Variants in ST8SIA1 observed in about 807,000 individuals in gnomAD.
ST8SIA1 encodes the protein ST8 alpha-N-acetyl-neuraminide alpha-2,8-sialyltransferase 1.
In ST8SIA1, 16 loss-of-function variants were observed where a neutral mutation model predicts 35.9. That is an observed-to-expected ratio of 0.45 (90% CI 0.30 to 0.68). ST8SIA1 has a LOEUF of 0.68. ST8SIA1 is among the 30% of genes least tolerant of loss of function. The pLI is 0.09. For missense variants in ST8SIA1, 383 were observed against 453.6 expected, an observed-to-expected ratio of 0.84 and a Z score of 1.41; for synonymous variants, 170 against 169.6, an observed-to-expected ratio of 1.00 and a Z score of -0.02.
At chr12:22,239,327 T>A (rs1401585033) in intron 4 of ST8SIA1, among the ~76,000 whole-genome samples, 1 of 152,200 alleles carries the variant, frequency 6.6e-6, no homozygotes, top group Non-Finnish European at 1.5e-5. Flanking sequence ...CACTTTAACA[T>A]ACTCCTTCTC....
chr12:22,206,304 A>C (rs139047928), intron 4 of ST8SIA1, among the ~76,000 whole-genome samples: 223 of 152,350 alleles, frequency 1.5e-3, no homozygotes, highest in African/African-American at 5.0e-3. Flanking sequence ...CTTGTTGAGC[A>C]TTCCTCTGAA....
intron 4 of ST8SIA1, among the ~76,000 whole-genome samples, chr12:22,205,367 A>G (rs578123633): frequency 7.2e-4 from 109 of 152,308 alleles, no homozygotes; most frequent in African/African-American, 2.4e-3. Flanking sequence ...CAGCCCATGA[A>G]TTATTAAAAT....
rs545018036 is a variant in ST8SIA1, at chr12:22,249,273, C to G, written c.492-175G>C. ...TCGCTCTGTTGCCCAGGCTGGAGTA[C>G]AGTGGTGTGATCTCCGCTCACTGCA... On this transcript the variant is annotated intron_variant, in intron 3 of 4. Transcript: ENST00000396037. Among the ~76,000 whole-genome samples the G allele has an allele frequency of 2.1e-5, 3 of 143,902 alleles. No individual in the cohort carries two copies. The East Asian group carries it at 6.1e-4, about 29-fold the overall frequency. The allele number at this position is 143,902 out of a possible 152,430, so 94.4% of individuals were successfully genotyped here. A position where few individuals can be genotyped will look rare whatever the true frequency, so the allele number is the denominator to read the frequency against.
chr12:22,295,674 G>A (rs1190595329), intron 1 of ST8SIA1, among the ~76,000 whole-genome samples: 2 of 152,172 alleles, frequency 1.3e-5, no homozygotes, highest in African/African-American at 2.4e-5. Context: ...CAAGGTTGCA[G>A]TAAGCCATGA....
chr12:22,251,435 C>T (rs963266789), intron 3 of ST8SIA1, among the ~76,000 whole-genome samples: 11 of 152,098 alleles, frequency 7.2e-5, no homozygotes, highest in Non-Finnish European at 1.3e-4. Flanking sequence ...ATGAAGATAA[C>T]ATTTTATATG....
intron 1 of ST8SIA1, among the ~76,000 whole-genome samples, chr12:22,317,207 C>T (rs1445545940): frequency 6.6e-6 from 1 of 152,186 alleles, no homozygotes; most frequent in Non-Finnish European, 1.5e-5. Context: ...CTTTGTCCTA[C>T]ACATACTAAG....
chr12:22,241,308 G>C (rs888421674), intron 4 of ST8SIA1, among the ~76,000 whole-genome samples: 2 of 152,090 alleles, frequency 1.3e-5, no homozygotes, highest in African/African-American at 2.4e-5. Flanking sequence ...TTATGGGGAC[G>C]ATTTCTCATC....
At chr12:22,257,060 C>T (rs565972482) in intron 2 of ST8SIA1, among the ~76,000 whole-genome samples, 1 of 152,118 alleles carries the variant, frequency 6.6e-6, no homozygotes, top group Admixed American at 6.5e-5. Flanking sequence ...TTTCTGTTCC[C>T]AGAGGTTATA....
At chr12:22,291,478 G>A (rs552480642) in intron 1 of ST8SIA1, among the ~76,000 whole-genome samples, 1 of 152,308 alleles carries the variant, frequency 6.6e-6, no homozygotes, top group East Asian at 1.9e-4. Flanking sequence ...TTAGCTTTTG[G>A]AAGGTTAAAT....
At chr12:22,241,241 T>C (rs1363230710) in intron 4 of ST8SIA1, among the ~76,000 whole-genome samples, 1 of 152,192 alleles carries the variant, frequency 6.6e-6, no homozygotes, top group Non-Finnish European at 1.5e-5. Context: ...CACCCAAATC[T>C]CATATTGAAT....
At chr12:22,236,752 T>C (rs1030501036) in intron 4 of ST8SIA1, among the ~76,000 whole-genome samples, 2 of 152,176 alleles carry the variant, frequency 1.3e-5, no homozygotes, top group Non-Finnish European at 2.9e-5. Context: ...TTTAGAGTAA[T>C]GTTTGATCTG....
At chr12:22,302,424 C>T (rs566964878) in intron 1 of ST8SIA1, among the ~76,000 whole-genome samples, 3 of 152,136 alleles carry the variant, frequency 2.0e-5, no homozygotes, top group Non-Finnish European at 4.4e-5. Context: ...AGTAATGTGG[C>T]CTATACCAAT....
At chr12:22,329,899 C>T (rs561657905) in intron 1 of ST8SIA1, among the ~76,000 whole-genome samples, 116 of 152,292 alleles carry the variant, frequency 7.6e-4, no homozygotes, top group African/African-American at 2.7e-3. Context: ...CAGTGATGTG[C>T]CACCTCTGCT....
chr12:22,296,765 T>C (rs1392565780), intron 1 of ST8SIA1, among the ~76,000 whole-genome samples: 3 of 152,156 alleles, frequency 2.0e-5, no homozygotes, highest in Non-Finnish European at 2.9e-5. Context: ...TTCTGGAGGC[T>C]TGAGCAGGAG....
intron 1 of ST8SIA1, among the ~76,000 whole-genome samples, chr12:22,295,891 A>T (rs1054644670): frequency 1.3e-5 from 2 of 152,182 alleles, no homozygotes; most frequent in Admixed American, 6.5e-5. Flanking sequence ...CTCCCCATCA[A>T]AGAATGTTTC....
At chr12:22,270,478 C>T (rs2300735) in intron 2 of ST8SIA1, among the ~76,000 whole-genome samples, 13,955 of 152,166 alleles carry the variant, frequency 0.092, 779 homozygotes, top group East Asian at 0.15. Context: ...TAAAGTGTCA[C>T]ATTTTGCGGA....
At chr12:22,222,202 A>G (rs74068738) in intron 4 of ST8SIA1, among the ~76,000 whole-genome samples, 1,895 of 152,310 alleles carry the variant, frequency 0.012, 43 homozygotes, top group African/African-American at 0.043. Context: ...ACCTTTTAAC[A>G]TCACACTGAA....
At chr12:22,269,744 A>T (rs2193177) in intron 2 of ST8SIA1, among the ~76,000 whole-genome samples, 23,495 of 152,190 alleles carry the variant, frequency 0.15, 1,868 homozygotes, top group Middle Eastern at 0.24. Context: ...GCTTAATTGT[A>T]TGTAAAACAC....
chr12:22,260,359 G>A (rs1359183279), intron 2 of ST8SIA1, among the ~76,000 whole-genome samples: 1 of 151,926 alleles, frequency 6.6e-6, no homozygotes, highest in Non-Finnish European at 1.5e-5. Flanking sequence ...ACGAGATTTC[G>A]CCGTGCTGCC....
Sources: gnomAD v4.1 joint callset for allele counts (sites outside exome capture counted in the v4.1 genomes callset) on GRCh38, gnomAD v4.1.1 for gene constraint, MANE v1.5 for transcripts, NCBI Gene and HGNC (gene_info 2026-07-23, HGNC 2026-07-21) for gene names.